Variants in TRAPPC9 observed in about 807,000 individuals in gnomAD.
TRAPPC9 encodes the protein IKK2 binding protein.
A neutral mutation model predicts 124.0 loss-of-function variants in TRAPPC9; 83 were observed. The ratio of observed to expected loss-of-function variants is 0.67; its 90% CI spans 0.56 to 0.80. TRAPPC9 has a LOEUF of 0.80. Ranked by LOEUF, TRAPPC9 falls within the 30% of genes least tolerant of loss-of-function variation. TRAPPC9 has a pLI of 0.00. For synonymous variants in TRAPPC9, 638 were observed against 617.5 expected (o/e 1.03, Z -0.49); for missense variants, 1,302 against 1,508.3 (o/e 0.86, Z 2.27).
rs1459705932 is a variant in TRAPPC9 at position 139,732,041 on chromosome 8, G to A, written c.3217C>T (p.His1073Tyr). 1.1e-5 allele frequency: 18 copies of A among 1,604,528 alleles called. No homozygotes were observed. The highest frequency in any genetic ancestry group is 1.4e-5 in the Non-Finnish European group (17 of 1,175,588). The part of the protein sequence containing the change: ...VPFQDHQNGV[H>Y]NYDLHDTVSF... ...ACGGTGTCGTGCAGGTCGTAGTTGTGCACGCCGTTCTGGTGGTCCTGGAAG... is the reference window on the plus strand; with the variant it reads ...ACGGTGTCGTGCAGGTCGTAGTTGTACACGCCGTTCTGGTGGTCCTGGAAG... The change falls in exon 22 of 23, where the codon CAC becomes TAC. Residue 1073 changes from histidine to tyrosine, a missense_variant. By Grantham distance (83) the His-to-Tyr change is moderately conservative. Coordinates refer to ENST00000438773, the MANE Select transcript of TRAPPC9 (RefSeq NM_001160372.4).
chr8:140,134,196 C>CAGGG (rs1320237554), intron 17 of TRAPPC9, among the ~76,000 whole-genome samples: 1 of 152,144 alleles, frequency 6.6e-6, no homozygotes, highest in Non-Finnish European at 1.5e-5. Context: ...TAATAATAGA[C>CAGGG]ACACAGACCA....
chr8:140,205,163 T>C (rs1164706377), intron 17 of TRAPPC9, among the ~76,000 whole-genome samples: 2 of 152,250 alleles, frequency 1.3e-5, no homozygotes, highest in Non-Finnish European at 2.9e-5. Flanking sequence ...GTATAACTTA[T>C]GCTGCCTAGA....
chr8:140,400,554 T>C (rs1041436008), intron 6 of TRAPPC9, among the ~76,000 whole-genome samples: 1 of 152,212 alleles, frequency 6.6e-6, no homozygotes, highest in African/African-American at 2.4e-5. Context: ...TCAGAGTTGC[T>C]TGTTCCTACT....
chr8:139,924,930 G>GCCCCCTGCTCATGACTTTCAT (rs1491214008), intron 19 of TRAPPC9, among the ~76,000 whole-genome samples: 2 of 152,158 alleles, frequency 1.3e-5, no homozygotes, highest in East Asian at 3.9e-4. Flanking sequence ...TTCATGAGCA[G>GCCCCCTGCTCATGACTTTCAT]GGGGGTCAGC....
intron 21 of TRAPPC9, among the ~76,000 whole-genome samples, chr8:139,781,711 T>C (rs1175228121): frequency 6.6e-6 from 1 of 152,184 alleles, no homozygotes; most frequent in East Asian, 1.9e-4. Context: ...AAAGGCTGTG[T>C]GTGTTTGTGT....
intron 20 of TRAPPC9, among the ~76,000 whole-genome samples, chr8:139,895,436 A>C (rs755513904): frequency 6.6e-6 from 1 of 152,236 alleles, no homozygotes; most frequent in Non-Finnish European, 1.5e-5. Context: ...TTCAGAAATA[A>C]ATTTTGTAAG....
chr8:140,360,215 A>G, intron 8 of TRAPPC9, 22 bp from the exon 9 acceptor site: 2 of 1,614,116 alleles, frequency 1.2e-6, no homozygotes, highest in Non-Finnish European at 1.7e-6. Context: ...GTTACAAAAC[A>G]TCACAAAAGT....
chr8:139,760,781 A>T (rs2130350099), intron 21 of TRAPPC9, among the ~76,000 whole-genome samples: 1 of 152,288 alleles, frequency 6.6e-6, no homozygotes. Flanking sequence ...CCCATTTTTA[A>T]AACCATTAGA....
At chr8:139,865,906 GT>G in intron 21 of TRAPPC9, among the ~76,000 whole-genome samples, 1 of 152,324 alleles carries the variant, frequency 6.6e-6, no homozygotes, top group East Asian at 1.9e-4. Flanking sequence ...GGTGGTCGGG[GT>G]GCAGCTTGGT....
intron 17 of TRAPPC9, among the ~76,000 whole-genome samples, chr8:140,044,646 G>A (rs1463041549): frequency 6.6e-6 from 1 of 152,232 alleles, no homozygotes; most frequent in Non-Finnish European, 1.5e-5. Context: ...TGCTACGGAC[G>A]GAATACATAA....
intron 14 of TRAPPC9, among the ~76,000 whole-genome samples, chr8:140,277,454 A>G (rs1008610571): frequency 4.6e-5 from 7 of 152,250 alleles, no homozygotes; most frequent in Non-Finnish European, 8.8e-5. Context: ...GCAAAAGTTT[A>G]TAGTCAATGT....
chr8:140,370,989 C>T lies in TRAPPC9; in HGVS notation c.1326G>A (p.Ser442=), dbSNP rs145960296. 1.0e-3 allele frequency: 1,664 copies of T among 1,614,236 alleles called. 3 individuals are homozygous for T. Among genetic ancestry groups the T allele is most frequent in the South Asian group, 2.0e-3 (180 of 91,086 alleles). ...LLETLPGYSL[S]LDPKDFSRGT... ...CTCTGCTGAAATCTTTGGGATCCAG[C>T]GACAGACTGTAGCCGGGCAGCGTTT... Residue 442 remains serine (S), a synonymous_variant, in exon 8 of 23, where the codon TCG becomes TCA. Coordinates refer to ENST00000438773, the MANE Select transcript of TRAPPC9 (RefSeq NM_001160372.4).
intron 2 of TRAPPC9, among the ~76,000 whole-genome samples, chr8:140,446,690 G>GA (rs1252308876): frequency 6.6e-6 from 1 of 152,130 alleles, no homozygotes; most frequent in Non-Finnish European, 1.5e-5. Context: ...AGTAAGCTGG[G>GA]ACTACAGGCA....
At chr8:139,924,895 A>G (rs1832716386) in intron 19 of TRAPPC9, among the ~76,000 whole-genome samples, 1 of 152,126 alleles carries the variant, frequency 6.6e-6, no homozygotes, top group Admixed American at 6.5e-5. Flanking sequence ...GTTACTGGAA[A>G]CGGCCTTAGA....
At chr8:139,986,016 G>C (rs552024562) in intron 19 of TRAPPC9, among the ~76,000 whole-genome samples, 6 of 152,172 alleles carry the variant, frequency 3.9e-5, no homozygotes. Flanking sequence ...AGGCCGAGGC[G>C]GGCGGATCAC....
At chr8:140,435,533 G>A (rs1474680856) in intron 3 of TRAPPC9, among the ~76,000 whole-genome samples, 2 of 152,224 alleles carry the variant, frequency 1.3e-5, no homozygotes, top group African/African-American at 2.4e-5. Flanking sequence ...GACTGCACAC[G>A]TAAAACAGGC....
At chr8:140,111,355 C>T (rs550350301) in intron 17 of TRAPPC9, among the ~76,000 whole-genome samples, 1 of 152,280 alleles carries the variant, frequency 6.6e-6, no homozygotes, top group African/African-American at 2.4e-5. Context: ...CTGCCTCTGC[C>T]CAGGCTGGCC....
At chr8:140,410,615 G>A (rs1434891349) in intron 5 of TRAPPC9, among the ~76,000 whole-genome samples, 5 of 152,246 alleles carry the variant, frequency 3.3e-5, no homozygotes, top group South Asian at 2.1e-4. Context: ...AGGCCGAGGC[G>A]GGCGGACCAC....
intron 7 of TRAPPC9, among the ~76,000 whole-genome samples, chr8:140,376,702 C>G (rs372277946): frequency 2.0e-5 from 3 of 151,322 alleles, no homozygotes; most frequent in African/African-American, 4.9e-5. Flanking sequence ...ATAGTGAAAC[C>G]CCATCTCAAC....
Sources: allele counts gnomAD v4.1 joint callset (sites outside exome capture counted in the v4.1 genomes callset), GRCh38; gene constraint gnomAD v4.1.1; transcripts MANE v1.5; gene names NCBI Gene and HGNC (gene_info 2026-07-23, HGNC 2026-07-21).